Variants in XRCC4 observed in about 807,000 individuals in gnomAD.
XRCC4 encodes DNA repair protein XRCC4.
XRCC4 carries 28 observed loss-of-function variants against 39.1 expected under a neutral mutation model. The ratio of observed to expected loss-of-function variants is 0.72; its 90% confidence interval spans 0.53 to 0.98. The LOEUF (loss-of-function observed/expected upper bound fraction) is 0.98. XRCC4 is among the 50% of genes least tolerant of loss of function. The probability of loss-of-function intolerance (pLI) is 0.00; values close to 1 mark genes in which losing one functional copy is unlikely to be tolerated. For synonymous variants in XRCC4, 123 were observed against 126.4 expected (o/e 0.97, Z 0.18); for missense variants, 350 against 376.4 (o/e 0.93, Z 0.58).
intron 2 of XRCC4, among the ~76,000 whole-genome samples, chr5:83,107,345 A>G (rs1746244068): frequency 6.6e-6 from 1 of 151,914 alleles, no homozygotes; most frequent in African/African-American, 2.4e-5. Context: ...TAAATAATTG[A>G]AACATGGAAA....
At chr5:83,132,206 GC>G (rs1404202400) in intron 3 of XRCC4, among the ~76,000 whole-genome samples, 2 of 151,918 alleles carry the variant, frequency 1.3e-5, no homozygotes, top group Non-Finnish European at 2.9e-5. Context: ...TTGAATATTG[GC>G]CCCCACTCTC....
In XRCC4 at chr5:83,242,162, T is replaced by TTGTGTGTGTG. The variant is rs60919474; in HGVS notation, c.746-16340_746-16331dup. Among the ~76,000 whole-genome samples, 1,286 of 145,350 alleles carry TTGTGTGTGTG rather than the reference T, an allele frequency of 8.8e-3. 15 individuals carry two copies. Among genetic ancestry groups the TTGTGTGTGTG allele is most frequent in the East Asian group, 0.045 (217 of 4,826 alleles). ...TGCCCAAGGGTCACTCGTATACACATTGTGTGTGTGTGTGTGTGTGTGTGT... is the reference window on the plus strand; with the variant it reads ...TGCCCAAGGGTCACTCGTATACACATTGTGTGTGTGTGTGTGTGTGTGTGTGTGTGTGTGT... On this transcript the variant is annotated intron_variant, in intron 6 of 7. Transcript: ENST00000396027.
intron 6 of XRCC4, among the ~76,000 whole-genome samples, chr5:83,234,423 G>A (rs1307833151): frequency 6.6e-6 from 1 of 151,562 alleles, no homozygotes; most frequent in African/African-American, 2.4e-5. Flanking sequence ...TAGACATGAG[G>A]TCTCACTATG....
At position 83,252,818 on chromosome 5, in the gene XRCC4, TA is replaced by T. The variant is rs1305177655; in HGVS notation, c.746-5706del. On this transcript the variant is annotated intron_variant, in intron 6 of 7. Transcript: ENST00000396027. ...GGAGGTTTATAAGTAAGTTTTTGATTAAAAAATAAGATACACATTTGAAAAT... is the reference window on the plus strand; with the variant it reads ...GGAGGTTTATAAGTAAGTTTTTGATTAAAAATAAGATACACATTTGAAAAT... Among the ~76,000 whole-genome samples, 4 of 152,272 alleles carry T rather than the reference TA, an allele frequency of 2.6e-5. No individual in the cohort carries two copies. The East Asian group carries it at 7.7e-4, about 29-fold the overall frequency.
chr5:83,254,348 C>T (rs1486432108), intron 6 of XRCC4, among the ~76,000 whole-genome samples: 1 of 152,134 alleles, frequency 6.6e-6, no homozygotes, highest in East Asian at 1.9e-4. Flanking sequence ...TGTCTCATTT[C>T]CTGCACCTTT....
intron 3 of XRCC4, among the ~76,000 whole-genome samples, chr5:83,151,895 A>G (rs1052003894): frequency 5.9e-5 from 9 of 152,226 alleles, no homozygotes; most frequent in African/African-American, 1.9e-4. Context: ...ATTCAATACT[A>G]TGCTTCATTA....
At chr5:83,371,518 A>G in the XRCC4 span, among the ~76,000 whole-genome samples, 1 of 152,168 alleles carries the variant, frequency 6.6e-6, no homozygotes, top group Non-Finnish European at 1.5e-5. Flanking sequence ...AAAAGAAACA[A>G]TCTACATGTC....
At chr5:83,082,801 C>A (rs1448700633) in intron 1 of XRCC4, among the ~76,000 whole-genome samples, 1 of 152,020 alleles carries the variant, frequency 6.6e-6, no homozygotes, top group Non-Finnish European at 1.5e-5. Flanking sequence ...ACAATTCTTC[C>A]TCCAGTGTGG....
intron 1 of XRCC4, among the ~76,000 whole-genome samples, chr5:83,082,942 A>C (rs1745018977): frequency 6.6e-6 from 1 of 152,064 alleles, no homozygotes; most frequent in Non-Finnish European, 1.5e-5. Flanking sequence ...TCTTAAGTAC[A>C]CTAGGCCTAC....
intron 3 of XRCC4, among the ~76,000 whole-genome samples, chr5:83,137,892 G>A (rs1024804532): frequency 6.6e-6 from 1 of 152,166 alleles, no homozygotes. Context: ...ATTTCAAACT[G>A]CAGCAAATCC....
chr5:83,230,889 C>T (rs1005262877), intron 6 of XRCC4, among the ~76,000 whole-genome samples: 1 of 151,816 alleles, frequency 6.6e-6, no homozygotes, highest in African/African-American at 2.4e-5. Context: ...TAATTCTAAA[C>T]AGGAAAAATT....
chr5:83,128,677 A>C (rs565739072), intron 3 of XRCC4, among the ~76,000 whole-genome samples: 1 of 152,220 alleles, frequency 6.6e-6, no homozygotes, highest in Admixed American at 6.5e-5. Context: ...TAACTGGTGT[A>C]AGATGATATC....
intron 3 of XRCC4, among the ~76,000 whole-genome samples, chr5:83,112,708 C>T (rs1281698150): frequency 6.6e-6 from 1 of 152,142 alleles, no homozygotes; most frequent in Non-Finnish European, 1.5e-5. Context: ...GGAGCAAAGT[C>T]ACATCTTACA....
intron 3 of XRCC4, among the ~76,000 whole-genome samples, chr5:83,134,700 G>A (rs973167653): frequency 6.6e-6 from 1 of 152,168 alleles, no homozygotes; most frequent in Non-Finnish European, 1.5e-5. Context: ...GGGTACCCTT[G>A]CGTGTTGTGG....
chr5:83,337,318 A>G (rs930593794), intron 7 of XRCC4, among the ~76,000 whole-genome samples: 50 of 152,188 alleles, frequency 3.3e-4, no homozygotes, highest in African/African-American at 1.2e-3. Context: ...TTTGGTTGAC[A>G]CTCCTTCCAT....
At chr5:83,243,054 T>C (rs1002139526) in intron 6 of XRCC4, among the ~76,000 whole-genome samples, 3 of 152,216 alleles carry the variant, frequency 2.0e-5, no homozygotes, top group Non-Finnish European at 4.4e-5. Flanking sequence ...TCTCGACATA[T>C]CATTTATGTT....
At chr5:83,174,913 A>T (rs11741420) in intron 3 of XRCC4, among the ~76,000 whole-genome samples, 76,939 of 152,024 alleles carry the variant, frequency 0.51, 20,727 homozygotes, top group African/African-American at 0.69. Flanking sequence ...GAAAATCAAT[A>T]TATTAGCATT....
At chr5:83,145,858 CT>C (rs35476083) in intron 3 of XRCC4, among the ~76,000 whole-genome samples, 2,672 of 136,220 alleles carry the variant, frequency 0.02, 60 homozygotes, top group African/African-American at 0.058. Flanking sequence ...GCAGTCAGGT[CT>C]TTTTTTTTTT....
At chr5:83,261,291 C>T (rs749271126) in intron 7 of XRCC4, among the ~76,000 whole-genome samples, 8 of 152,104 alleles carry the variant, frequency 5.3e-5, no homozygotes, top group Admixed American at 1.3e-4. Context: ...ACCTATTTTC[C>T]TCCCTTCCTG....
Sources: allele counts gnomAD v4.1 joint callset (sites outside exome capture counted in the v4.1 genomes callset), GRCh38; gene constraint gnomAD v4.1.1; transcripts MANE v1.5; gene names NCBI Gene and HGNC (gene_info 2026-07-23, HGNC 2026-07-21).